Variants in SPMIP11 observed in about 807,000 individuals in gnomAD.
The protein encoded by SPMIP11 is sperm microtubule inner protein 11.
chr12:48,758,055 C>A, the SPMIP11 span, among the ~76,000 whole-genome samples: 1 of 152,098 alleles, frequency 6.6e-6, no homozygotes, highest in Admixed American at 6.6e-5. Context: ...GTAGTCCCGG[C>A]ACTTCGGGAC....
At chr12:48,741,684 C>T in the SPMIP11 span, among the ~76,000 whole-genome samples, 1 of 147,882 alleles carries the variant, frequency 6.8e-6, no homozygotes, top group Non-Finnish European at 1.5e-5. Context: ...CACTCTGTTG[C>T]TCAGGCTTGA....
chr12:48,734,073 C>T, the SPMIP11 span, among the ~76,000 whole-genome samples: 3 of 151,716 alleles, frequency 2.0e-5, no homozygotes, highest in African/African-American at 7.2e-5. Context: ...CCCGCCCAGC[C>T]TATGTGATGT....
the SPMIP11 span, among the ~76,000 whole-genome samples, chr12:48,730,978 G>T: frequency 6.6e-6 from 1 of 152,138 alleles, no homozygotes; most frequent in Non-Finnish European, 1.5e-5. Context: ...GGTTCAAAGA[G>T]GTTAACTTAC....
the SPMIP11 span, among the ~76,000 whole-genome samples, chr12:48,758,844 A>G: frequency 6.6e-6 from 1 of 152,218 alleles, no homozygotes; most frequent in Admixed American, 6.5e-5. Flanking sequence ...GACTTCCACT[A>G]TTAGACCATT....
At chr12:48,748,331 G>A in the SPMIP11 span, among the ~76,000 whole-genome samples, 1 of 152,040 alleles carries the variant, frequency 6.6e-6, no homozygotes, top group East Asian at 1.9e-4. Context: ...ATACAAATAT[G>A]CTATAATCTC....
At chr12:48,737,716 T>A in the SPMIP11 span, among the ~76,000 whole-genome samples, 1 of 150,028 alleles carries the variant, frequency 6.7e-6, no homozygotes, top group Non-Finnish European at 1.5e-5. Flanking sequence ...TGCCCAGCCT[T>A]AATTTTTAAT....
the SPMIP11 span, chr12:48,768,430 GGCAGACGA>G: frequency 3.9e-6 from 4 of 1,020,488 alleles, no homozygotes; most frequent in Non-Finnish European, 5.8e-6. Flanking sequence ...CCAGCTTGAG[GGCAGACGA>G]GCATGATCCA....
At chr12:48,733,840 C>T in the SPMIP11 span, among the ~76,000 whole-genome samples, 1 of 146,510 alleles carries the variant, frequency 6.8e-6, no homozygotes, top group Non-Finnish European at 1.5e-5. Context: ...GCTCAGTCTC[C>T]GCTCACTGCA....
chr12:48,764,992 C>A, the SPMIP11 span: 3 of 702,694 alleles, frequency 4.3e-6, no homozygotes, highest in South Asian at 1.5e-5. Context: ...AGCGCGATGA[C>A]CAGGTTAGGC....
At chr12:48,761,674 T>A in the SPMIP11 span, among the ~76,000 whole-genome samples, 1 of 138,862 alleles carries the variant, frequency 7.2e-6, no homozygotes, top group Non-Finnish European at 1.5e-5. Flanking sequence ...AAAATACAAA[T>A]AAAAATAAAC....
chr12:48,743,800 C>G, the SPMIP11 span, among the ~76,000 whole-genome samples: 2 of 151,920 alleles, frequency 1.3e-5, no homozygotes, highest in Non-Finnish European at 2.9e-5. Context: ...GGCGTGGTGG[C>G]AGGTGCCTGT....
At chr12:48,754,309 G>A in the SPMIP11 span, among the ~76,000 whole-genome samples, 1 of 151,988 alleles carries the variant, frequency 6.6e-6, no homozygotes, top group East Asian at 2.0e-4. Flanking sequence ...GGAGGCTGAG[G>A]CAGGAGGATC....
At chr12:48,755,875 CTT>C in the SPMIP11 span, among the ~76,000 whole-genome samples, 314 of 101,578 alleles carry the variant, frequency 3.1e-3, no homozygotes, top group South Asian at 0.012. Context: ...CAGTTTCTTT[CTT>C]TTTTTTTTTT....
chr12:48,729,681 G>A, the SPMIP11 span, among the ~76,000 whole-genome samples: 1 of 146,092 alleles, frequency 6.8e-6, no homozygotes, highest in Non-Finnish European at 1.5e-5. Context: ...CTGCACTTCA[G>A]CCTGGCAACA....
chr12:48,755,211 C>A, the SPMIP11 span, among the ~76,000 whole-genome samples: 2 of 152,134 alleles, frequency 1.3e-5, no homozygotes, highest in Non-Finnish European at 2.9e-5. Flanking sequence ...CCCTACATGT[C>A]CTTCATAGTC....
chr12:48,735,731 AAAAT>A, the SPMIP11 span, among the ~76,000 whole-genome samples: 3 of 152,056 alleles, frequency 2.0e-5, no homozygotes, highest in Non-Finnish European at 2.9e-5. Context: ...TAAAAATACA[AAAAT>A]TAGCCAGGCG....
At chr12:48,754,457 C>A in the SPMIP11 span, among the ~76,000 whole-genome samples, 1 of 151,754 alleles carries the variant, frequency 6.6e-6, no homozygotes, top group South Asian at 2.1e-4. Flanking sequence ...CAGCCTGAGG[C>A]ATTTTTTTTT....
chr12:48,730,820 C>T, the SPMIP11 span, among the ~76,000 whole-genome samples: 1 of 152,160 alleles, frequency 6.6e-6, no homozygotes, highest in African/African-American at 2.4e-5. Flanking sequence ...TGCCTGTAAT[C>T]CCAGTTACTC....
chr12:48,744,782 G>A, the SPMIP11 span, among the ~76,000 whole-genome samples: 1 of 149,666 alleles, frequency 6.7e-6, no homozygotes, highest in Non-Finnish European at 1.5e-5. Context: ...AGGAAGAGGA[G>A]GGGGAGGAGG....
Sources: allele counts gnomAD v4.1 joint callset (sites outside exome capture counted in the v4.1 genomes callset), GRCh38; gene constraint gnomAD v4.1.1; transcripts MANE v1.5; gene names NCBI Gene and HGNC (gene_info 2026-07-23, HGNC 2026-07-21).